SNX29: variants seen among roughly 807,000 people sequenced by gnomAD.
SNX29 encodes the protein sorting nexin 29, also known as sorting nexin-29.
SNX29 carries 78 observed loss-of-function variants against 102.1 expected under a neutral mutation model. The observed-to-expected ratio is 0.76, with a 90% CI of 0.64 to 0.92. The LOEUF (loss-of-function observed/expected upper bound fraction) is 0.92, where lower values mean the gene tolerates loss of function less well. SNX29 is among the 40% of genes least tolerant of loss of function. SNX29 has a pLI of 0.00. For synonymous variants in SNX29, 580 were observed against 414.5 expected, an observed-to-expected ratio of 1.40 and a Z score of -4.85; for missense variants, 1,280 against 1,061.7, an observed-to-expected ratio of 1.21 and a Z score of -2.86.
rs2079892464 is a variant in SNX29 at position 12,293,993 on chromosome 16, G to A, written c.1782+15957G>A. ...ACTGAGGTGTGGTGTGCTTACTGAT[G>A]GTCAGGGTCATGTAGGTGCTCAGAT... On this transcript the variant is annotated intron_variant, in intron 15 of 20. Coordinates refer to ENST00000566228, the MANE Select transcript of SNX29 (RefSeq NM_032167.5). 2.0e-5 allele frequency among the ~76,000 whole-genome samples: 3 copies of A among 152,218 alleles called. No homozygotes were observed. In the South Asian group the frequency reaches 6.2e-4, roughly 32 times the overall value.
intron 20 of SNX29, among the ~76,000 whole-genome samples, chr16:12,563,412 G>C (rs969666464): frequency 6.6e-6 from 1 of 152,216 alleles, no homozygotes; most frequent in Non-Finnish European, 1.5e-5. Context: ...ATGGCGACTG[G>C]ATTTTGTTCC....
intron 15 of SNX29, among the ~76,000 whole-genome samples, chr16:12,342,614 G>A (rs147822811): frequency 3.3e-5 from 5 of 152,282 alleles, no homozygotes; most frequent in South Asian, 2.1e-4. Flanking sequence ...TGTCTTTTAC[G>A]AAGCTTGAGT....
chr16:12,317,382 C>T (rs2080784742), intron 15 of SNX29, among the ~76,000 whole-genome samples: 2 of 152,196 alleles, frequency 1.3e-5, no homozygotes, highest in Non-Finnish European at 2.9e-5. Context: ...TTCCGTGAAG[C>T]CCTCACAAAT....
intron 3 of SNX29, among the ~76,000 whole-genome samples, chr16:12,004,668 G>A (rs983040293): frequency 1.3e-5 from 2 of 151,992 alleles, no homozygotes; most frequent in Admixed American, 1.3e-4. Context: ...TGTGTCCATC[G>A]TTCCTCTTTC....
At chr16:12,013,496 A>ATAT (rs2056729400) in intron 3 of SNX29, among the ~76,000 whole-genome samples, 2 of 31,600 alleles carry the variant, frequency 6.3e-5, no homozygotes, top group African/African-American at 2.8e-4. Context: ...GGGAAAAAAA[A>ATAT]AAAAATATAT....
chr16:12,006,369 G>T (rs533182520), intron 3 of SNX29, among the ~76,000 whole-genome samples: 1 of 150,732 alleles, frequency 6.6e-6, no homozygotes, highest in Non-Finnish European at 1.5e-5. Context: ...TACAAAATTA[G>T]CCAGGCATGG....
chr16:12,553,457 A>G (rs535486468), intron 20 of SNX29, among the ~76,000 whole-genome samples: 6 of 152,128 alleles, frequency 3.9e-5, no homozygotes, highest in African/African-American at 1.4e-4. Context: ...GGTGTAGACC[A>G]GCTCAGACCA....
At chr16:12,165,104 C>T (rs2055959935) in intron 13 of SNX29, among the ~76,000 whole-genome samples, 2 of 152,182 alleles carry the variant, frequency 1.3e-5, no homozygotes, top group Non-Finnish European at 2.9e-5. Context: ...GGATAAGGAC[C>T]ACTTAGCAGA....
intron 15 of SNX29, among the ~76,000 whole-genome samples, chr16:12,285,693 A>G (rs1160460843): frequency 2.0e-5 from 3 of 152,214 alleles, no homozygotes; most frequent in East Asian, 1.9e-4. Flanking sequence ...ATGGGTTCCA[A>G]CACTTCTCAT....
At chr16:12,506,541 G>A (rs961592983) in intron 19 of SNX29, among the ~76,000 whole-genome samples, 4 of 152,306 alleles carry the variant, frequency 2.6e-5, no homozygotes, top group Non-Finnish European at 2.9e-5. Context: ...GGCACCTCAC[G>A]TGATACGGAG....
At position 12,571,886 on chromosome 16, in the gene SNX29, G is replaced by A. The variant is rs2079195441; in HGVS notation, c.*3257G>A. On this transcript the variant is annotated 3_prime_UTR_variant, in exon 21 of 21. Transcript: ENST00000566228. ...AGGCATTTTAGAGTTTGGAGCTGAG[G>A]TTCAAAGCCCCCTGCATTTCTCTAC... 1.9e-6 allele frequency: 2 copies of A among 1,061,700 alleles called. No homozygotes were observed. The highest frequency in any genetic ancestry group is 1.6e-5 in the African/African-American group (1 of 60,852). The allele number at this position is 1,061,700 out of a possible 1,614,324, so 65.8% of individuals were successfully genotyped here. A position where few individuals can be genotyped will look rare whatever the true frequency, so the allele number is the denominator to read the frequency against.
chr16:12,160,699 G>A (rs2055747250), intron 13 of SNX29, among the ~76,000 whole-genome samples: 1 of 152,142 alleles, frequency 6.6e-6, no homozygotes, highest in South Asian at 2.1e-4. Flanking sequence ...CACTTTAAAA[G>A]GGTGAATTAT....
intron 10 of SNX29, among the ~76,000 whole-genome samples, chr16:12,075,969 C>T (rs1364202406): frequency 6.6e-6 from 1 of 152,248 alleles, no homozygotes; most frequent in East Asian, 1.9e-4. Flanking sequence ...ACCCTCCGAG[C>T]CAGGTGCGGG....
At chr16:12,481,459 TATATATACAC>T (rs1179106657) in intron 19 of SNX29, among the ~76,000 whole-genome samples, 2 of 130,820 alleles carry the variant, frequency 1.5e-5, no homozygotes, top group African/African-American at 2.6e-5. Context: ...TATATACATA[TATATATACAC>T]ATATATACAC....
intron 9 of SNX29, among the ~76,000 whole-genome samples, chr16:12,061,963 C>T (rs571442198): frequency 6.6e-6 from 1 of 152,164 alleles, no homozygotes; most frequent in Non-Finnish European, 1.5e-5. Context: ...AAAAGCTGAC[C>T]ACAAATAGTG....
intron 14 of SNX29, among the ~76,000 whole-genome samples, chr16:12,252,501 G>C (rs574475616): frequency 6.6e-6 from 1 of 152,226 alleles, no homozygotes; most frequent in African/African-American, 2.4e-5. Context: ...CAGTAAGGCA[G>C]TGTGCCATTC....
intron 20 of SNX29, among the ~76,000 whole-genome samples, chr16:12,557,979 G>C (rs904593482): frequency 6.6e-6 from 1 of 152,136 alleles, no homozygotes; most frequent in Non-Finnish European, 1.5e-5. Context: ...TTCTGCTTAA[G>C]ATTTTAGCCA....
chr16:12,222,643 C>T (rs1330183925), intron 14 of SNX29, among the ~76,000 whole-genome samples: 1 of 152,058 alleles, frequency 6.6e-6, no homozygotes, highest in Non-Finnish European at 1.5e-5. Flanking sequence ...ATCTTGGCTC[C>T]CTGCAACTTC....
rs898321351 is a variant in SNX29, at chr16:12,572,674, A to G, written c.*4045A>G. Reference sequence around the variant, plus strand: ...CTCCTGTGTGAGCTGCAGCACCCACACGGGGGAAGCCCTGCACTCCAGCAG... The same window carrying G: ...CTCCTGTGTGAGCTGCAGCACCCACGCGGGGGAAGCCCTGCACTCCAGCAG... On this transcript the variant is annotated 3_prime_UTR_variant, in exon 21 of 21. Transcript: ENST00000566228. The G allele has an allele frequency of 2.2e-5, 23 of 1,063,346 alleles. No homozygotes were observed. In the African/African-American group the frequency reaches 3.0e-4, roughly 14 times the overall value. 65.9% of individuals were successfully genotyped at this position (1,063,346 alleles called of 1,614,324 possible).
Sources: allele counts gnomAD v4.1 joint callset (sites outside exome capture counted in the v4.1 genomes callset), GRCh38; gene constraint gnomAD v4.1.1; transcripts MANE v1.5; gene names NCBI Gene and HGNC (gene_info 2026-07-23, HGNC 2026-07-21).